Variants in SEC61A1 observed in about 807,000 individuals in gnomAD.
SEC61A1 encodes SEC61 translocon subunit alpha 1.
In SEC61A1, 15 loss-of-function variants were observed where a neutral mutation model predicts 55.2. The observed-to-expected ratio is 0.27, with a 90% CI of 0.18 to 0.42. The LOEUF (loss-of-function observed/expected upper bound fraction) is 0.42. SEC61A1 is among the 10% of genes least tolerant of loss of function. The pLI, the probability that SEC61A1 is intolerant of heterozygous loss-of-function variation, is 1.00. For missense variants in SEC61A1, 284 were observed against 602.6 expected, an observed-to-expected ratio of 0.47 and a Z score of 5.53; for synonymous variants, 247 against 234.0, an observed-to-expected ratio of 1.06 and a Z score of -0.51.
chr3:128,056,905 G>T, intron 5 of SEC61A1, 65 bp downstream of exon 5: 4 of 1,272,464 alleles, frequency 3.1e-6, no homozygotes, highest in South Asian at 2.3e-5. Context: ...ATAAGATTTT[G>T]GTATCAGTTT....
upstream of SEC61A1, chr3:128,052,343 G>C (rs1941694610): frequency 4.6e-6 from 3 of 655,972 alleles, no homozygotes; most frequent in Admixed American, 1.2e-4. Context: ...CGCGGCGGCC[G>C]GCGGGCGCGC....
At chr3:128,059,877 G>A (rs532042904) in intron 5 of SEC61A1, among the ~76,000 whole-genome samples, 54 of 152,310 alleles carry the variant, frequency 3.5e-4, no homozygotes, top group African/African-American at 1.2e-3. Context: ...CTAGGAAAAG[G>A]TAAAACTAAA....
chr3:128,067,429 T>A lies in SEC61A1; in HGVS notation c.984T>A (p.Ser328=). ...VSLLGTWSDT[S]SGGPARAYPV... is the part of the protein sequence containing the mutation. ...GGTTTCTTCTTCCCCAGGACACGTC[T>A]TCTGGGGGCCCAGCACGTGCTTATC... The change falls in exon 10 of 12, where the codon TCT becomes TCA. Residue 328 remains serine (S), a synonymous_variant. Transcript: ENST00000243253. This position sits in a 1 kb window ranked among gnomAD's most constrained non-coding sequence, Gnocchi z 4.1. The A allele has an allele frequency of 6.2e-7, 1 of 1,611,556 alleles. No individual in the cohort carries two copies. Among genetic ancestry groups the A allele is most frequent in the Middle Eastern group, 1.7e-4 (1 of 5,954 alleles).
chr3:128,053,592 T>A (rs1290540665), intron 2 of SEC61A1, among the ~76,000 whole-genome samples: 1 of 152,254 alleles, frequency 6.6e-6, no homozygotes, highest in Non-Finnish European at 1.5e-5. Flanking sequence ...TTCAAACTGT[T>A]GTTAAAGCAT....
rs762085826 is a variant in SEC61A1, at chr3:128,065,076, G to T, written c.777+39G>T. 18 of 1,607,310 alleles carry T rather than the reference G, an allele frequency of 1.1e-5. No homozygotes were observed. The South Asian group carries it at 1.9e-4, about 17-fold the overall frequency. On this transcript the variant is annotated intron_variant, in intron 8 of 11. Transcript: ENST00000243253. ...CAACCCCAGGGAGTTTCCATGGTCT[G>T]GATTTAAGTTTCAGAATGCCTTGTG...
intron 8 of SEC61A1, among the ~76,000 whole-genome samples, chr3:128,065,805 C>T (rs188832353): frequency 6.0e-4 from 80 of 132,738 alleles, no homozygotes; most frequent in Middle Eastern, 5.7e-3. Flanking sequence ...GGCGCGATCT[C>T]GACTCGACTC....
intron 5 of SEC61A1, 97 bp downstream of exon 5, chr3:128,056,937 A>AT (rs1233048203): frequency 5.2e-3 from 4,418 of 850,334 alleles, no homozygotes; most frequent in Middle Eastern, 7.8e-3. Flanking sequence ...TTTATTTTTT[A>AT]TTTTTTTTTT....
rs1266915904 is a variant in SEC61A1, at chr3:128,071,132, T to C, written c.*1470T>C. ...GGCAGAGGGGCACACTCTGGAGACC[T>C]TGCTGGCAGTGCTAGCCAGGAAACA... is the stretch of plus-strand genomic sequence containing the variant. On this transcript the variant is annotated 3_prime_UTR_variant, in exon 12 of 12. Coordinates refer to ENST00000243253, the MANE Select transcript of SEC61A1 (RefSeq NM_013336.4). 6.6e-6 allele frequency: 1 copy of C among 152,324 alleles called. No homozygotes were observed. The highest frequency in any genetic ancestry group is 1.5e-5 in the Non-Finnish European group (1 of 68,136). The allele number at this position is 152,324 out of a possible 1,614,324, so 9.4% of individuals were successfully genotyped here. A position where few individuals can be genotyped will look rare whatever the true frequency, so the allele number is the denominator to read the frequency against.
chr3:128,054,870 A>C (rs1436383580), intron 2 of SEC61A1, among the ~76,000 whole-genome samples: 2 of 152,190 alleles, frequency 1.3e-5, no homozygotes, highest in African/African-American at 4.8e-5. Flanking sequence ...CTTAATACTT[A>C]ATAGTCATCT....
intron 8 of SEC61A1, chr3:128,066,616 G>C (rs1358153178): frequency 3.3e-6 from 1 of 302,812 alleles, no homozygotes; most frequent in Non-Finnish European, 6.2e-6. Flanking sequence ...TAGAGACGGA[G>C]TCTGACTGTG....
intron 11 of SEC61A1, 57 bp from the exon 12 acceptor site, chr3:128,069,419 C>T (rs969228327): frequency 1.3e-5 from 20 of 1,541,826 alleles, no homozygotes; most frequent in Admixed American, 5.4e-5. Flanking sequence ...CTGTTGGCCG[C>T]CTGGCTCACG....
chr3:128,064,548 G>A (rs765824758), intron 7 of SEC61A1, among the ~76,000 whole-genome samples: 5 of 152,182 alleles, frequency 3.3e-5, no homozygotes, highest in Non-Finnish European at 7.3e-5. Context: ...GGAAGTCTGA[G>A]ATAGGATCAC....
chr3:128,058,838 A>G (rs1941814173), intron 5 of SEC61A1, among the ~76,000 whole-genome samples: 1 of 152,212 alleles, frequency 6.6e-6, no homozygotes, highest in African/African-American at 2.4e-5. Flanking sequence ...CCCGGGCAAC[A>G]GAGCCTGTCT....
intron 1 of SEC61A1, 124 bp from the exon 2 acceptor site, chr3:128,052,711 C>G: frequency 1.3e-6 from 2 of 1,501,666 alleles, no homozygotes; most frequent in Non-Finnish European, 1.8e-6. Flanking sequence ...CCCCACGCGT[C>G]CGGGGTGCGG....
intron 5 of SEC61A1, among the ~76,000 whole-genome samples, chr3:128,058,752 G>A (rs1257666843): frequency 2.0e-5 from 3 of 152,132 alleles, no homozygotes; most frequent in Admixed American, 2.0e-4. Context: ...TGTAGTTCTA[G>A]CTACTAGGGA....
At chr3:128,065,960 TCTCGATCTCCTGAC>T (rs539490323) in intron 8 of SEC61A1, among the ~76,000 whole-genome samples, 14 of 152,012 alleles carry the variant, frequency 9.2e-5, no homozygotes, top group Admixed American at 2.6e-4. Context: ...GCCAGGATGG[TCTCGATCTCCTGAC>T]CTCGTGATCC....
chr3:128,052,161 C>T (rs1227932307), upstream of SEC61A1, among the ~76,000 whole-genome samples: 1 of 152,182 alleles, frequency 6.6e-6, no homozygotes, highest in Non-Finnish European at 1.5e-5. Context: ...CAGCCCCAGT[C>T]TCGGGAGGCG....
rs762846696 is a variant in SEC61A1 at position 128,052,573 on chromosome 3, G to A, written c.7+14G>A. 6.3e-7 allele frequency: 1 copy of A among 1,597,936 alleles called. No individual in the cohort carries two copies. The highest frequency in any genetic ancestry group is 2.3e-5 in the East Asian group (1 of 44,222). On this transcript the variant is annotated intron_variant, in intron 1 of 11. Transcript: ENST00000243253. ...CCGCCATGGCAAGTGAGTCCTGTAG[G>A]GAAGCCCTATTGAGGCCGGGACGGA...
Position 128,067,471 on chromosome 3 carries a change from C to T in SEC61A1, c.1026C>T (p.Cys342=). ...PARAYPVGGL[C]YYLSPPESFG... ...GTGCTTATCCAGTTGGTGGCCTTTG[C>T]TATTACCTGTCCCCTCCAGAATCTT... The change falls in exon 10 of 12, where the codon TGC becomes TGT. Residue 342 remains cysteine (C), a synonymous_variant. Transcript: ENST00000243253. The surrounding 1 kb of genome is among the most constrained non-coding windows in gnomAD (Gnocchi z 4.1). 6.2e-7 allele frequency: 1 copy of T among 1,614,186 alleles called. No individual in the cohort carries two copies. The highest frequency in any genetic ancestry group is 2.2e-5 in the East Asian group (1 of 44,882).
Sources: gnomAD v4.1 joint callset for allele counts (sites outside exome capture counted in the v4.1 genomes callset) on GRCh38, gnomAD v4.1.1 for gene constraint, Gnocchi (gnomAD v3.1) non-coding constraint, MANE v1.5 for transcripts, NCBI Gene and HGNC (gene_info 2026-07-23, HGNC 2026-07-21) for gene names.